The following MAP4 variants were observed in gnomAD, a reference collection of about 807,000 sequenced individuals.
MAP4 encodes microtubule-associated protein 4.
In MAP4, 76 loss-of-function variants were observed where a neutral mutation model predicts 170.2. The ratio of observed to expected loss-of-function variants is 0.45; its 90% CI spans 0.37 to 0.54. The LOEUF (loss-of-function observed/expected upper bound fraction) is 0.54, where lower values mean the gene tolerates loss of function less well. Ranked by LOEUF, MAP4 falls within the 20% of genes least tolerant of loss-of-function variation. The pLI is 0.00. For missense variants in MAP4, 2,506 were observed against 2,748.0 expected (o/e 0.91, Z 1.97); for synonymous variants, 909 against 994.5 (o/e 0.91, Z 1.62).
chr3:47,941,803 A>G (rs1057448746), intron 3 of MAP4, among the ~76,000 whole-genome samples: 1 of 151,406 alleles, frequency 6.6e-6, no homozygotes, highest in Non-Finnish European at 1.5e-5. Context: ...AAAAAAAAAA[A>G]GGCGAAAACG....
chr3:47,919,598 G>A (rs572314869), intron 5 of MAP4, among the ~76,000 whole-genome samples: 90 of 152,272 alleles, frequency 5.9e-4, no homozygotes, highest in African/African-American at 2.0e-3. Flanking sequence ...GTGAGACACC[G>A]CGCCCGGCCG....
intron 1 of MAP4, among the ~76,000 whole-genome samples, chr3:48,070,077 A>G (rs2100140212): frequency 6.6e-6 from 1 of 152,040 alleles, no homozygotes; most frequent in Non-Finnish European, 1.5e-5. Context: ...GGGCTCAAGT[A>G]AGCCTCCTGC....
intron 1 of MAP4, among the ~76,000 whole-genome samples, chr3:48,029,333 G>T (rs1193147126): frequency 3.3e-5 from 5 of 152,062 alleles, no homozygotes; most frequent in African/African-American, 1.2e-4. Context: ...AGCTACTCGG[G>T]AGGCTGGCAT....
At chr3:47,935,448 C>T (rs1463382400) in intron 3 of MAP4, among the ~76,000 whole-genome samples, 4 of 151,972 alleles carry the variant, frequency 2.6e-5, no homozygotes, top group Non-Finnish European at 5.9e-5. Flanking sequence ...TTTCAAAGGC[C>T]AAATAGAAAC....
At chr3:48,016,749 A>G (rs994216479), upstream of MAP4, among the ~76,000 whole-genome samples, 8 of 151,746 alleles carry the variant, frequency 5.3e-5, no homozygotes, top group East Asian at 1.5e-3. Flanking sequence ...TACCAATCCA[A>G]AAATTATTTC....
chr3:47,886,274 T>C (rs1385028937), intron 10 of MAP4, among the ~76,000 whole-genome samples: 1 of 152,164 alleles, frequency 6.6e-6, no homozygotes, highest in Admixed American at 6.5e-5. Context: ...CCCTTTCCCT[T>C]GTCTCATGGA....
intron 3 of MAP4, among the ~76,000 whole-genome samples, chr3:47,946,688 TATTAACA>T (rs2100060243): frequency 7.3e-6 from 1 of 136,308 alleles, no homozygotes; most frequent in African/African-American, 2.8e-5. Context: ...AAGAAGCAAC[TATTAACA>T]ATTATGTCAG....
chr3:47,977,748 A>AG, intron 3 of MAP4, 117 bp downstream of exon 3: 1 of 706,118 alleles, frequency 1.4e-6, no homozygotes, highest in Non-Finnish European at 2.5e-6. Flanking sequence ...CAAGAACACT[A>AG]CCACCCTCAG....
chr3:47,969,648 T>A (rs1049780874), intron 3 of MAP4, among the ~76,000 whole-genome samples: 3 of 152,180 alleles, frequency 2.0e-5, no homozygotes, highest in Non-Finnish European at 4.4e-5. Flanking sequence ...CAGCTGCACA[T>A]AGGTGTGATT....
intron 1 of MAP4, among the ~76,000 whole-genome samples, chr3:48,005,807 A>C (rs948164372): frequency 3.3e-5 from 5 of 152,184 alleles, no homozygotes; most frequent in Middle Eastern, 3.2e-3. Flanking sequence ...AGAGCCCTGT[A>C]ATTGCTCTTC....
intron 3 of MAP4, among the ~76,000 whole-genome samples, chr3:47,944,302 T>G (rs2100058323): frequency 6.6e-6 from 1 of 152,004 alleles, no homozygotes; most frequent in South Asian, 2.1e-4. Flanking sequence ...AGAGCAAAAC[T>G]CTGTCTCAAA....
At chr3:47,869,352 A>T (rs1473783545) in intron 15 of MAP4, 25 bp from the exon 16 acceptor site, 3 of 1,483,600 alleles carry the variant, frequency 2.0e-6, no homozygotes, top group Non-Finnish European at 2.8e-6. Flanking sequence ...AGGGAGGGCA[A>T]ATTTCAAACC....
At chr3:47,986,593 G>A (rs1057090368) in intron 2 of MAP4, among the ~76,000 whole-genome samples, 20 of 152,020 alleles carry the variant, frequency 1.3e-4, no homozygotes, top group African/African-American at 4.1e-4. Flanking sequence ...CATCTGCCTC[G>A]GCCTCCCAAG....
At chr3:47,940,085 G>A (rs1283814438) in intron 3 of MAP4, among the ~76,000 whole-genome samples, 3 of 152,004 alleles carry the variant, frequency 2.0e-5, no homozygotes, top group Non-Finnish European at 2.9e-5. Flanking sequence ...TGAGCCACCC[G>A]CCTTGGCCTC....
In MAP4 at chr3:47,857,545, G is replaced by A. The variant is rs773246238; in HGVS notation, c.6502-33C>T. The A allele has an allele frequency of 1.0e-5, 15 of 1,491,644 alleles. No individual in the cohort carries two copies. The Admixed American group carries it at 1.7e-4, about 17-fold the overall frequency. 92.4% of individuals were successfully genotyped at this position (1,491,644 alleles called of 1,614,324 possible). A position where few individuals can be genotyped will look rare whatever the true frequency, so the allele number is the denominator to read the frequency against. On this transcript the variant is annotated intron_variant, in intron 17 of 20. Coordinates refer to ENST00000683076, the MANE Select transcript of MAP4 (RefSeq NM_001385682.1). ...GAAGGACACAAAAGACTCATTCAGA[G>A]AGAAGGTATACTGTCAGAGCCAACC...
intron 4 of MAP4, among the ~76,000 whole-genome samples, chr3:47,923,482 G>A (rs144657206): frequency 1.1e-4 from 16 of 151,738 alleles, no homozygotes; most frequent in African/African-American, 3.6e-4. Context: ...AGGCTGAGGT[G>A]GGAGGATCTT....
intron 2 of MAP4, among the ~76,000 whole-genome samples, chr3:47,985,333 G>C (rs541694550): frequency 6.6e-6 from 1 of 152,322 alleles, no homozygotes; most frequent in African/African-American, 2.4e-5. Flanking sequence ...AGCTACTTGG[G>C]AGGCTGAGGC....
chr3:48,081,017 A>G (rs1457139154), intron 1 of MAP4, among the ~76,000 whole-genome samples: 6 of 152,144 alleles, frequency 3.9e-5, no homozygotes, highest in Non-Finnish European at 8.8e-5. Flanking sequence ...CCAGCTACTA[A>G]AGAGGCTGAG....
At position 47,886,550 on chromosome 3, in the gene MAP4, G is replaced by T. The variant is rs560815018; in HGVS notation, c.5435-9027C>A. 3.3e-5 allele frequency among the ~76,000 whole-genome samples: 5 copies of T among 152,252 alleles called. No homozygotes were observed. In the East Asian group the frequency reaches 9.7e-4, roughly 29 times the overall value. On this transcript the variant is annotated intron_variant, in intron 10 of 20. Transcript: ENST00000683076. ...ACTCCTGGCCTCAAGTAATCTGCCTGCCAAGGCCTCCCAAAGTGCTGAGAT... is the reference window on the plus strand; with the variant it reads ...ACTCCTGGCCTCAAGTAATCTGCCTTCCAAGGCCTCCCAAAGTGCTGAGAT...
Sources: allele counts gnomAD v4.1 joint callset (sites outside exome capture counted in the v4.1 genomes callset), GRCh38; gene constraint gnomAD v4.1.1; transcripts MANE v1.5; gene names NCBI Gene and HGNC (gene_info 2026-07-23, HGNC 2026-07-21).